Variants in SMC2 observed in about 807,000 individuals in gnomAD.
The protein encoded by SMC2 is structural maintenance of chromosomes 2.
SMC2 carries 41 observed loss-of-function variants against 142.6 expected under a neutral mutation model. The ratio of observed to expected loss-of-function variants is 0.29; its 90% CI spans 0.22 to 0.37. The LOEUF (loss-of-function observed/expected upper bound fraction) is 0.37, where lower values mean the gene tolerates loss of function less well. Among genes scored for constraint, SMC2 ranks in the 10% least tolerant of loss-of-function variants. The pLI is 1.00. For missense variants in SMC2, 1,265 were observed against 1,373.7 expected (o/e 0.92, Z 1.25); for synonymous variants, 463 against 457.5 (o/e 1.01, Z -0.15).
chr9:104,107,361 G>A (rs1468158942), intron 9 of SMC2, among the ~76,000 whole-genome samples: 3 of 152,196 alleles, frequency 2.0e-5, no homozygotes, highest in Admixed American at 6.5e-5. Flanking sequence ...AAGAGGCTAG[G>A]TCTCCCCAGT....
In SMC2 at chr9:104,111,741, C is replaced by G. The variant is rs755100222; in HGVS notation, c.1181C>G (p.Ala394Gly). The G allele has an allele frequency of 1.2e-6, 2 of 1,614,052 alleles. No homozygotes were observed. The highest frequency in any genetic ancestry group is 2.2e-5 in the East Asian group (1 of 44,874). ...GGCCTGTCCAGTAATGAAGATGGAG[C>G]AGAAGCAACTCTTGCTGGTCAAATG... is the stretch of plus-strand genomic sequence containing the variant. Reference protein sequence around the residue: ...SAGLSSNEDGAEATLAGQMMA... With the variant: ...SAGLSSNEDGGEATLAGQMMA... Residue 394 changes from alanine to glycine, a missense_variant, in exon 10 of 25, where the codon GCA becomes GGA. By Grantham distance (60) the Ala-to-Gly change is moderately conservative. Coordinates refer to ENST00000374793, the MANE Select transcript of SMC2 (RefSeq NM_006444.3).
Position 104,132,022 on chromosome 9 carries a change from TGAA to T in SMC2, c.3014_3016del (p.Lys1005del). 3.3e-6 allele frequency: 5 copies of T among 1,524,902 alleles called. No homozygotes were observed. Among genetic ancestry groups the T allele is most frequent in the South Asian group, 1.2e-5 (1 of 85,228 alleles). 94.5% of individuals were successfully genotyped at this position (1,524,902 alleles called of 1,614,324 possible). A position where few individuals can be genotyped will look rare whatever the true frequency, so the allele number is the denominator to read the frequency against. On this transcript the variant is annotated inframe_deletion, in exon 22 of 25. Coordinates refer to ENST00000374793, the MANE Select transcript of SMC2 (RefSeq NM_006444.3). ...TTTATCTCATAGTACAATGACTTGA[TGAA>T]GAAGAAGAGAATTGTAGAAAATGAC...
At chr9:104,113,718 G>T (rs961622035) in intron 11 of SMC2, among the ~76,000 whole-genome samples, 3 of 152,050 alleles carry the variant, frequency 2.0e-5, no homozygotes, top group Non-Finnish European at 4.4e-5. Flanking sequence ...AATGTCATTT[G>T]TGTATTTCTA....
intron 7 of SMC2, among the ~76,000 whole-genome samples, chr9:104,101,440 G>A (rs964691729): frequency 1.3e-5 from 2 of 152,058 alleles, no homozygotes; most frequent in African/African-American, 4.8e-5. Flanking sequence ...ACTTCATTTT[G>A]CCACAATTGC....
rs1830202626 is a variant in SMC2 at position 104,094,367 on chromosome 9, C to G, written c.-172C>G. 1 of 398,662 alleles carries G rather than the reference C, an allele frequency of 2.5e-6. No homozygotes were observed. The highest frequency in any genetic ancestry group is 2.1e-5 in the African/African-American group (1 of 48,626). 24.7% of individuals were successfully genotyped at this position (398,662 alleles called of 1,614,324 possible). A position where few individuals can be genotyped will look rare whatever the true frequency, so the allele number is the denominator to read the frequency against. On this transcript the variant is annotated 5_prime_UTR_variant, in exon 1 of 25. Coordinates refer to ENST00000374793, the MANE Select transcript of SMC2 (RefSeq NM_006444.3). ...AGCGGTGTGGCAGGTGTTGTAGCCG[C>G]TATGGTGAAGTTCGCTTTGTAGCGG... is the stretch of plus-strand genomic sequence containing the variant.
At chr9:104,132,701 T>C (rs560835037) in intron 22 of SMC2, among the ~76,000 whole-genome samples, 1 of 152,126 alleles carries the variant, frequency 6.6e-6, no homozygotes, top group South Asian at 2.1e-4. Context: ...TTATCCCTTT[T>C]AGTCACCTTG....
chr9:104,091,838 T>C (rs990477107), upstream of SMC2, among the ~76,000 whole-genome samples: 2 of 118,162 alleles, frequency 1.7e-5, no homozygotes, highest in African/African-American at 6.4e-5. Context: ...TCTTGCTTTG[T>C]GGCTGTATGT....
In SMC2 at chr9:104,120,010, C is replaced by G. The variant is rs775374750; in HGVS notation, c.1997-17C>G. The G allele has an allele frequency of 6.2e-7, 1 of 1,612,862 alleles. No individual in the cohort carries two copies. The highest frequency in any genetic ancestry group is 1.3e-5 in the African/African-American group (1 of 74,818). On this transcript the variant is annotated splice_polypyrimidine_tract_variant and intron_variant, in intron 15 of 24. Transcript: ENST00000374793. ...TGGTAACAATGTGGAAGACCTGTTTCAATTTGCCTCTATCAGGTGCTCGAT... is the reference window on the plus strand; with the variant it reads ...TGGTAACAATGTGGAAGACCTGTTTGAATTTGCCTCTATCAGGTGCTCGAT...
At chr9:104,091,893 A>C (rs1225381039), upstream of SMC2, among the ~76,000 whole-genome samples, 3 of 152,068 alleles carry the variant, frequency 2.0e-5, no homozygotes, top group African/African-American at 7.2e-5. Flanking sequence ...AAGGACTCAG[A>C]CTCCACTAGC....
the SMC2 span, among the ~76,000 whole-genome samples, chr9:104,089,258 G>A: frequency 6.6e-6 from 1 of 152,192 alleles, no homozygotes; most frequent in Non-Finnish European, 1.5e-5. Context: ...GGACTGCAGA[G>A]TGGTGTAAGA....
rs763931950 is a variant in SMC2 at position 104,129,769 on chromosome 9, T to C, written c.2915T>C (p.Leu972Ser). Residue 972 changes from leucine to serine, a missense_variant, in exon 21 of 25, where the codon TTG (leucine) becomes TCG (serine). Coordinates refer to ENST00000374793, the MANE Select transcript of SMC2 (RefSeq NM_006444.3). The stretch of plus-strand genomic sequence containing the variant: ...GAAGCTGGTCAGAGACTTCAGAAGT[T>C]GCAAGAAATGAAGGAGAAACTAGGA... ...PKEAGQRLQK[L>S]QEMKEKLGRN... 6.2e-7 allele frequency: 1 copy of C among 1,613,974 alleles called. No individual in the cohort carries two copies. Among genetic ancestry groups the C allele is most frequent in the Non-Finnish European group, 8.5e-7 (1 of 1,179,950 alleles).
chr9:104,091,617 TA>T (rs996182310), upstream of SMC2, among the ~76,000 whole-genome samples: 6 of 152,204 alleles, frequency 3.9e-5, no homozygotes, highest in African/African-American at 1.2e-4. Context: ...TCCTTGAACC[TA>T]AAAATAATCT....
chr9:104,112,452 A>G (rs1832571527), intron 10 of SMC2, among the ~76,000 whole-genome samples: 1 of 152,170 alleles, frequency 6.6e-6, no homozygotes, highest in Non-Finnish European at 1.5e-5. Context: ...CAGGCACATC[A>G]TTGTTTTGTT....
chr9:104,122,985 G>A, intron 16 of SMC2, 123 bp from the exon 17 acceptor site: 1 of 951,706 alleles, frequency 1.1e-6, no homozygotes, highest in Non-Finnish European at 1.5e-6. Flanking sequence ...CCTGTAACCA[G>A]TAGCATCTTA....
At chr9:104,108,845 G>C (rs1832106814) in intron 9 of SMC2, among the ~76,000 whole-genome samples, 2 of 152,282 alleles carry the variant, frequency 1.3e-5, no homozygotes, top group Admixed American at 1.3e-4. Flanking sequence ...TACAGTTGAG[G>C]GACCCCAGAA....
At chr9:104,109,488 A>G (rs1832182796) in intron 9 of SMC2, among the ~76,000 whole-genome samples, 1 of 152,220 alleles carries the variant, frequency 6.6e-6, no homozygotes, top group Admixed American at 6.5e-5. Flanking sequence ...TAGTTGCGCT[A>G]CTTTTTTCCT....
intron 4 of SMC2, 109 bp from the exon 5 acceptor site, chr9:104,099,535 A>T (rs1366309609): frequency 2.9e-6 from 2 of 694,538 alleles, no homozygotes; most frequent in East Asian, 5.5e-5. Flanking sequence ...CCCCCCAAAG[A>T]TTGGTATATT....
chr9:104,088,651 A>G, the SMC2 span, among the ~76,000 whole-genome samples: 1 of 29,076 alleles, frequency 3.4e-5, no homozygotes, highest in Non-Finnish European at 5.7e-5. Context: ...CCTTCTGTGG[A>G]TCTCATACTA....
At chr9:104,102,288 C>A in intron 8 of SMC2, 95 bp downstream of exon 8, 1 of 1,084,982 alleles carries the variant, frequency 9.2e-7, no homozygotes, top group Non-Finnish European at 1.3e-6. Context: ...GCATTGTCTT[C>A]CGTATTGATT....
Sources: allele counts gnomAD v4.1 joint callset (sites outside exome capture counted in the v4.1 genomes callset), GRCh38; gene constraint gnomAD v4.1.1; transcripts MANE v1.5; gene names NCBI Gene and HGNC (gene_info 2026-07-23, HGNC 2026-07-21).